URB1: variants seen among roughly 807,000 people sequenced by gnomAD.
URB1 encodes URB1 ribosome biogenesis factor.
Under a neutral mutation model 242.3 loss-of-function variants are expected in URB1, and 197 were observed. That is an observed-to-expected ratio of 0.81 (90% CI 0.72 to 0.91). The LOEUF is 0.91. Among genes scored for constraint, URB1 ranks in the 40% least tolerant of loss-of-function variants. The probability of loss-of-function intolerance (pLI) is 0.00; values close to 1 mark genes in which losing one functional copy is unlikely to be tolerated. For synonymous variants in URB1, 1,153 were observed against 1,201.8 expected (o/e 0.96, Z 0.84); for missense variants, 2,721 against 2,860.5 (o/e 0.95, Z 1.11).
Position 32,354,941 on chromosome 21 carries a change from A to G in URB1, c.2163T>C (p.Phe721=). 1 of 1,552,344 alleles carries G rather than the reference A, an allele frequency of 6.4e-7. No homozygotes were observed. The part of the protein sequence containing the change: ...PYSYTDKASD[F]VQEASMLQAT... ...CCTGCAGCATGCTTGCTTCTTGGAC[A>G]AAGTCAGATGCTTTGTCTGTGTATG... is the stretch of plus-strand genomic sequence containing the variant. The change falls in exon 17 of 39, where the codon TTT becomes TTC. Residue 721 remains phenylalanine, a synonymous_variant. Transcript: ENST00000382751.
Position 32,353,953 on chromosome 21 carries a change from A to G in URB1, c.2396T>C (p.Leu799Pro). 3 of 1,551,762 alleles carry G rather than the reference A, an allele frequency of 1.9e-6. No individual in the cohort carries two copies. Among genetic ancestry groups the G allele is most frequent in the Non-Finnish European group, 2.6e-6 (3 of 1,147,002 alleles). ...AALEARNKLL[L>P]GTGNEAAENV... ...GGTACCTGCTTCATTGCCTGTCCCA[A>G]GGAGCAACTTATTCCTGGCTTCCAG... Residue 799 changes from leucine (L) to proline (P), a missense_variant, in exon 18 of 39, where the codon CTT (leucine) becomes CCT (proline). By Grantham distance (98) the Leu-to-Pro change is moderately conservative. Transcript: ENST00000382751.
chr21:32,321,302 C>G (rs1451856717), intron 34 of URB1, among the ~76,000 whole-genome samples: 1 of 152,232 alleles, frequency 6.6e-6, no homozygotes. Context: ...CACACCAGCT[C>G]TTGGTTCCTG....
chr21:32,339,092 G>C (rs2032998416), intron 25 of URB1, among the ~76,000 whole-genome samples, 192 bp from the exon 26 acceptor site: 1 of 152,068 alleles, frequency 6.6e-6, no homozygotes, highest in African/African-American at 2.4e-5. Context: ...CCTCCCAAGT[G>C]CAAGTGATTC....
rs917716301 is a variant in URB1, at chr21:32,362,013, T to C, written c.1518A>G (p.Pro506=). 3.2e-6 allele frequency: 5 copies of C among 1,551,206 alleles called. No individual in the cohort carries two copies. In the South Asian group the frequency reaches 6.0e-5, roughly 18 times the overall value. Residue 506 remains proline (P), a synonymous_variant, in exon 12 of 39, where the codon CCA becomes CCG. Transcript: ENST00000382751. ...AGACCCACACGACAGTGTTCAGGTC[T>C]GGCAAAATCTAAATGGGAAAAAGAA... ...LFREALSKIL[P]DLNTVVWVWQ...
intron 14 of URB1, among the ~76,000 whole-genome samples, chr21:32,358,556 G>A (rs2033249747): frequency 6.6e-6 from 1 of 152,166 alleles, no homozygotes; most frequent in Non-Finnish European, 1.5e-5. Flanking sequence ...ACAGCCCTTG[G>A]CAATGAGGAC....
chr21:32,347,772 TG>T lies in URB1; in HGVS notation c.3051del (p.Thr1018ProfsTer24). 6.5e-7 allele frequency: 1 copy of T among 1,547,764 alleles called. No homozygotes were observed. Among genetic ancestry groups the T allele is most frequent in the Non-Finnish European group, 8.7e-7 (1 of 1,146,800 alleles). The part of the protein sequence containing the change: ...EEVLVAILRH[P>X]TLEGWFLALE... ...AGGGCCAGGAACCAGCCCTCCAGGG[TG>T]GGGTGCCTGAGGATGGCCACAAGCA... On this transcript the variant is annotated frameshift_variant, in exon 22 of 39. Coordinates refer to ENST00000382751, the MANE Select transcript of URB1 (RefSeq NM_014825.3). LOFTEE classifies it high-confidence loss of function.
intron 33 of URB1, 79 bp downstream of exon 33, chr21:32,322,399 G>T: frequency 7.7e-7 from 1 of 1,294,018 alleles, no homozygotes; most frequent in South Asian, 1.3e-5. Flanking sequence ...GGATCCATGG[G>T]GAAATGTCAG....
chr21:32,355,757 T>C (rs1184898164), intron 15 of URB1, among the ~76,000 whole-genome samples, 192 bp from the exon 16 acceptor site: 1 of 152,204 alleles, frequency 6.6e-6, no homozygotes, highest in Non-Finnish European at 1.5e-5. Context: ...TACAGGAGTG[T>C]GCCAACACGT....
Position 32,366,666 on chromosome 21 carries a change from G to A in URB1, c.1287C>T (p.Thr429=), listed in dbSNP as rs2033350370. Reference sequence around the variant, plus strand: ...TCTTATTGCACACCAGGGGCACGGTGGTCACCATCACCATTGCCAGGAGCC... The same window carrying A: ...TCTTATTGCACACCAGGGGCACGGTAGTCACCATCACCATTGCCAGGAGCC... ...LPRLLAMVMV[T]TVPLVCNKSM... Residue 429 remains threonine, a synonymous_variant, in exon 10 of 39, where the codon ACC becomes ACT. Transcript: ENST00000382751. The A allele has an allele frequency of 1.3e-6, 2 of 1,551,338 alleles. No homozygotes were observed. The highest frequency in any genetic ancestry group is 2.4e-5 in the South Asian group (2 of 84,044).
rs1412264599 is a variant in URB1 at position 32,365,768 on chromosome 21, CCACCCCACTTTACAGTG to C, written c.1335+833_1335+849del. On this transcript the variant is annotated intron_variant, in intron 10 of 38. Coordinates refer to ENST00000382751, the MANE Select transcript of URB1 (RefSeq NM_014825.3). ...AATCTCACCATGTGGTCTCAGGAGT[CCACCCCACTTTACAGTG>C]ACTGTGCGCATTACCACAGGGCCAA... Among the ~76,000 whole-genome samples the C allele has an allele frequency of 1.2e-4, 19 of 152,346 alleles. No homozygotes were observed. In the East Asian group the frequency reaches 3.7e-3, roughly 29 times the overall value.
intron 25 of URB1, among the ~76,000 whole-genome samples, chr21:32,340,379 AGGCAGGT>A (rs2033015269): frequency 6.6e-6 from 1 of 152,226 alleles, no homozygotes; most frequent in African/African-American, 2.4e-5. Context: ...TGGGAGGCCG[AGGCAGGT>A]GGATTACCTG....
chr21:32,388,745 C>T (rs1407390313), intron 1 of URB1, among the ~76,000 whole-genome samples: 1 of 152,242 alleles, frequency 6.6e-6, no homozygotes, highest in Admixed American at 6.5e-5. Flanking sequence ...AGCAGTGCAA[C>T]TACTCACTCT....
rs761774049 is a variant in URB1 at position 32,392,853 on chromosome 21, C to G, written c.58G>C (p.Gly20Arg). The G allele has an allele frequency of 2.3e-5, 35 of 1,533,258 alleles. No individual in the cohort carries two copies. Among genetic ancestry groups the G allele is most frequent in the Non-Finnish European group, 3.0e-5 (34 of 1,145,230 alleles). The allele number at this position is 1,533,258 out of a possible 1,614,324, so 95.0% of individuals were successfully genotyped here. A position where few individuals can be genotyped will look rare whatever the true frequency, so the allele number is the denominator to read the frequency against. Reference protein sequence around the residue: ...GGQDGAASSAGAAKRARKEEL... With the variant: ...GGQDGAASSARAAKRARKEEL... ...TCTTTGCGGGCGCGCTTGGCTGCAC[C>G]CGCGGAGGAAGCCGCGCCGTCCTGG... Residue 20 changes from glycine (G) to arginine (R), a missense_variant, in exon 1 of 39, where the codon GGT (glycine) becomes CGT (arginine). By Grantham distance (125) the Gly-to-Arg change is moderately radical. Coordinates refer to ENST00000382751, the MANE Select transcript of URB1 (RefSeq NM_014825.3).
At chr21:32,390,593 G>A (rs1279163744) in intron 1 of URB1, among the ~76,000 whole-genome samples, 1 of 152,052 alleles carries the variant, frequency 6.6e-6, no homozygotes, top group Non-Finnish European at 1.5e-5. Context: ...TCTGATGGTA[G>A]TTTCTTTTGC....
At chr21:32,364,336 C>A (rs955899419) in intron 10 of URB1, among the ~76,000 whole-genome samples, 3 of 152,166 alleles carry the variant, frequency 2.0e-5, no homozygotes, top group African/African-American at 7.2e-5. Flanking sequence ...CAGGCCCCGG[C>A]CCACACAACT....
intron 7 of URB1, 71 bp from the exon 8 acceptor site, chr21:32,372,702 C>A: frequency 1.4e-6 from 2 of 1,464,764 alleles, no homozygotes; most frequent in South Asian, 1.4e-5. Context: ...AGAGTAAAAA[C>A]AAGGACAATA....
In URB1 at chr21:32,359,894, G is replaced by A; in HGVS notation, c.1771C>T (p.Gln591Ter). 1.3e-6 allele frequency: 2 copies of A among 1,548,920 alleles called. No homozygotes were observed. Among genetic ancestry groups the A allele is most frequent in the African/African-American group, 1.4e-5 (1 of 73,004 alleles). The change falls in exon 14 of 39, where the codon CAG becomes TAG. Residue 591 changes from glutamine to a stop codon, truncating the protein, a stop_gained. Transcript: ENST00000382751. LOFTEE classifies it high-confidence loss of function. ...GGAGGCACCTCCTCTCGAAGGCCCT[G>A]CTCAGAGATGACACCTATGGGTGAA... Reference protein sequence around the residue: ...SKLLKGVISEQGLREEVPPIL... With the variant: ...SKLLKGVISE
chr21:32,388,244 A>G (rs866073201), intron 1 of URB1, among the ~76,000 whole-genome samples: 1 of 152,212 alleles, frequency 6.6e-6, no homozygotes, highest in Non-Finnish European at 1.5e-5. Context: ...CCTCACCTGT[A>G]TAACGGAACA....
In URB1 at chr21:32,333,317, C is replaced by T; in HGVS notation, c.4960G>A (p.Glu1654Lys). 1 of 1,551,862 alleles carries T rather than the reference C, an allele frequency of 6.4e-7. No individual in the cohort carries two copies. Among genetic ancestry groups the T allele is most frequent in the South Asian group, 1.2e-5 (1 of 84,048 alleles). ...TGACCCAAGAGAAGACTGCAGTTAC[C>T]TGGCCTGGTCAGCTCACTGAAGAGC... ...LQLFSELTRP[E>K]FVVDCRKFLD... Residue 1654 changes from glutamate to lysine, a missense_variant and splice_region_variant, in exon 30 of 39, where the codon GAG becomes AAG. Transcript: ENST00000382751.
Sources: allele counts gnomAD v4.1 joint callset (sites outside exome capture counted in the v4.1 genomes callset), GRCh38; gene constraint gnomAD v4.1.1; transcripts MANE v1.5; gene names NCBI Gene and HGNC (gene_info 2026-07-23, HGNC 2026-07-21).